HTR7: variants seen among roughly 807,000 people sequenced by gnomAD.
HTR7 encodes 5-HT-7.
HTR7 carries 16 observed loss-of-function variants against 34.0 expected under a neutral mutation model. The ratio of observed to expected loss-of-function variants is 0.47; its 90% CI spans 0.32 to 0.71. The LOEUF (loss-of-function observed/expected upper bound fraction) is 0.71, where lower values mean the gene tolerates loss of function less well. Ranked by LOEUF, HTR7 falls within the 30% of genes least tolerant of loss-of-function variation. HTR7 has a pLI of 0.04. For synonymous variants in HTR7, 265 were observed against 260.2 expected, an observed-to-expected ratio of 1.02 and a Z score of -0.18; for missense variants, 504 against 625.5, an observed-to-expected ratio of 0.81 and a Z score of 2.07.
At chr10:90,748,011 C>G (rs1364382553) in intron 2 of HTR7, among the ~76,000 whole-genome samples, 1 of 152,204 alleles carries the variant, frequency 6.6e-6, no homozygotes, top group Non-Finnish European at 1.5e-5. Context: ...CTATCACCAT[C>G]AGATCCTTTT....
At chr10:90,812,620 T>C (rs1845831407) in intron 1 of HTR7, among the ~76,000 whole-genome samples, 1 of 152,066 alleles carries the variant, frequency 6.6e-6, no homozygotes, top group Non-Finnish European at 1.5e-5. Flanking sequence ...ATATCACCCC[T>C]TACCACAAAA....
rs552583871 is a variant in HTR7 at position 90,769,924 on chromosome 10, C to T, written c.540-20330G>A. ...GCAGCAGCAGGCAGTCCAGAGCAGC[C>T]GCTGCCATCACGCTGGCTGCAGCAA... On this transcript the variant is annotated intron_variant, in intron 1 of 3. Transcript: ENST00000336152. Among the ~76,000 whole-genome samples, 321 of 152,362 alleles carry T rather than the reference C, an allele frequency of 2.1e-3. 5 individuals carry two copies. Among genetic ancestry groups the T allele is most frequent in the Non-Finnish European group, 6.5e-4 (44 of 68,028 alleles).
At chr10:90,784,250 C>T (rs958014900) in intron 1 of HTR7, among the ~76,000 whole-genome samples, 7 of 152,158 alleles carry the variant, frequency 4.6e-5, no homozygotes, top group Admixed American at 4.6e-4. Flanking sequence ...TAATAACTCT[C>T]CTTTCATCAT....
intron 1 of HTR7, among the ~76,000 whole-genome samples, chr10:90,828,924 T>TA (rs1008524434): frequency 1.8e-4 from 27 of 150,622 alleles, no homozygotes; most frequent in Non-Finnish European, 3.6e-4. Flanking sequence ...GTTGAAAATT[T>TA]AAAAAAAAGA....
rs775732650 is a variant in HTR7 at position 90,743,710 on chromosome 10, A to G, written c.1296-20T>C. On this transcript the variant is annotated intron_variant, in intron 2 of 3. Coordinates refer to ENST00000336152, the MANE Select transcript of HTR7 (RefSeq NM_019859.4). ...GCCCTCCTGCAATTTATGGCAATTC[A>G]AAGCAAATCCATAAGTAAATCAAAT... The G allele has an allele frequency of 7.8e-6, 12 of 1,544,204 alleles. No homozygotes were observed. Among genetic ancestry groups the G allele is most frequent in the African/African-American group, 1.4e-5 (1 of 73,640 alleles).
chr10:90,828,758 A>G (rs113584750), intron 1 of HTR7, among the ~76,000 whole-genome samples: 255 of 152,256 alleles, frequency 1.7e-3, no homozygotes, highest in African/African-American at 5.7e-3. Context: ...TCATTTCACA[A>G]AACATTTTTA....
intron 1 of HTR7, among the ~76,000 whole-genome samples, chr10:90,774,522 T>A (rs1023348707): frequency 4.7e-5 from 7 of 149,434 alleles, no homozygotes; most frequent in African/African-American, 1.8e-4. Context: ...AATTTTGTTA[T>A]GACATAGCAT....
At chr10:90,831,573 G>A (rs578132666) in intron 1 of HTR7, among the ~76,000 whole-genome samples, 3 of 152,186 alleles carry the variant, frequency 2.0e-5, no homozygotes, top group African/African-American at 2.4e-5. Flanking sequence ...GGACCCCAGC[G>A]GGTTGCCACT....
chr10:90,818,949 G>A (rs980548744), intron 1 of HTR7, among the ~76,000 whole-genome samples: 2 of 152,100 alleles, frequency 1.3e-5, no homozygotes, highest in African/African-American at 4.8e-5. Flanking sequence ...TGCTCCAGCC[G>A]TGTTAAGACA....
chr10:90,857,111 G>T lies in HTR7; in HGVS notation c.539+22C>A. On this transcript the variant is annotated intron_variant, in intron 1 of 3. Transcript: ENST00000336152. The surrounding 1 kb of genome is among the most constrained non-coding windows in gnomAD (Gnocchi z 6.5). ...CAGCCGGTCCCCAGCCGGAGCCTGG[G>T]ACGGGGCGGTCCGGCCCTTACCTGT... 1 of 1,523,002 alleles carries T rather than the reference G, an allele frequency of 6.6e-7. No homozygotes were observed. Among genetic ancestry groups the T allele is most frequent in the Non-Finnish European group, 8.8e-7 (1 of 1,131,254 alleles). The allele number at this position is 1,523,002 out of a possible 1,614,324, so 94.3% of individuals were successfully genotyped here. A position where few individuals can be genotyped will look rare whatever the true frequency, so the allele number is the denominator to read the frequency against.
rs1564701422 is a variant in HTR7, at chr10:90,844,725, T to TAAAAAAAAAA, written c.539+12407_539+12408insTTTTTTTTTT. Among the ~76,000 whole-genome samples the TAAAAAAAAAA allele has an allele frequency of 3.6e-4, 10 of 27,784 alleles. 2 individuals carry two copies. The highest frequency in any genetic ancestry group is 9.3e-4 in the Admixed American group (2 of 2,158). The allele number at this position is 27,784 out of a possible 152,430, so 18.2% of individuals were successfully genotyped here. A position where few individuals can be genotyped will look rare whatever the true frequency, so the allele number is the denominator to read the frequency against. On this transcript the variant is annotated intron_variant, in intron 1 of 3. Transcript: ENST00000336152. ...CTGGGCAACAGAATGAGACTCCGTCTCAAAAAAAAAAAAAAAAAAAAAAAA... is the reference window on the plus strand; with the variant it reads ...CTGGGCAACAGAATGAGACTCCGTCTAAAAAAAAAACAAAAAAAAAAAAAAAAAAAAAAAA...
At chr10:90,768,215 T>C (rs1417268156) in intron 1 of HTR7, among the ~76,000 whole-genome samples, 1 of 151,104 alleles carries the variant, frequency 6.6e-6, no homozygotes, top group Non-Finnish European at 1.5e-5. Flanking sequence ...TCTGTCTCCA[T>C]TGCCATCATT....
chr10:90,799,132 T>C (rs1564686052), intron 1 of HTR7, among the ~76,000 whole-genome samples: 1 of 152,136 alleles, frequency 6.6e-6, no homozygotes, highest in Non-Finnish European at 1.5e-5. Flanking sequence ...CATCTGATCT[T>C]GTAGCCCCTA....
chr10:90,756,653 G>C (rs944922617), intron 1 of HTR7, among the ~76,000 whole-genome samples: 3 of 151,952 alleles, frequency 2.0e-5, no homozygotes, highest in African/African-American at 7.3e-5. Context: ...CTTTGAGAAA[G>C]GATATTATTA....
At chr10:90,764,407 TTGTC>T (rs1380562566) in intron 1 of HTR7, among the ~76,000 whole-genome samples, 2 of 152,226 alleles carry the variant, frequency 1.3e-5, no homozygotes. Flanking sequence ...ATTCTGTAAG[TTGTC>T]TGATCACTCT....
At chr10:90,840,524 G>A (rs1217030587) in intron 1 of HTR7, among the ~76,000 whole-genome samples, 1 of 152,174 alleles carries the variant, frequency 6.6e-6, no homozygotes, top group Non-Finnish European at 1.5e-5. Context: ...CCGCAACCAA[G>A]AGAAGGGAAT....
chr10:90,851,926 C>T (rs1256570999), intron 1 of HTR7, among the ~76,000 whole-genome samples: 2 of 152,168 alleles, frequency 1.3e-5, no homozygotes, highest in Non-Finnish European at 2.9e-5. Flanking sequence ...CTTGCTTCCC[C>T]TTCACCTTCC....
chr10:90,827,026 A>G (rs897876098), intron 1 of HTR7, among the ~76,000 whole-genome samples: 1 of 151,736 alleles, frequency 6.6e-6, no homozygotes, highest in Non-Finnish European at 1.5e-5. Context: ...TAGTAACTTC[A>G]AAACAAAACA....
At chr10:90,767,573 C>G (rs1007460848) in intron 1 of HTR7, among the ~76,000 whole-genome samples, 3 of 152,122 alleles carry the variant, frequency 2.0e-5, no homozygotes, top group African/African-American at 7.2e-5. Context: ...TTCTCCTTCT[C>G]TTTATTCTGG....
Sources: gnomAD v4.1 joint callset for allele counts (sites outside exome capture counted in the v4.1 genomes callset) on GRCh38, gnomAD v4.1.1 for gene constraint, Gnocchi (gnomAD v3.1) non-coding constraint, MANE v1.5 for transcripts, NCBI Gene and HGNC (gene_info 2026-07-23, HGNC 2026-07-21) for gene names.